SPSB1: variants seen among roughly 807,000 people sequenced by gnomAD.
SPSB1 encodes SPRY domain-containing SOCS box protein 1.
Under a neutral mutation model 21.2 loss-of-function variants are expected in SPSB1, and 8 were observed. The ratio of observed to expected loss-of-function variants is 0.38; its 90% CI spans 0.22 to 0.68. The LOEUF is 0.68. Among genes scored for constraint, SPSB1 ranks in the 30% least tolerant of loss-of-function variants. The pLI is 0.53. For missense variants in SPSB1, 242 were observed against 377.8 expected, an observed-to-expected ratio of 0.64 and a Z score of 2.98; for synonymous variants, 169 against 161.7, an observed-to-expected ratio of 1.05 and a Z score of -0.34.
At chr1:9,343,337 G>A (rs1021254771) in intron 1 of SPSB1, among the ~76,000 whole-genome samples, 3 of 151,168 alleles carry the variant, frequency 2.0e-5, no homozygotes, top group Non-Finnish European at 2.9e-5. Context: ...TGGTCATTTC[G>A]TCGAAAGGGA....
chr1:9,320,104 G>A (rs1260753211), intron 1 of SPSB1, among the ~76,000 whole-genome samples: 7 of 152,170 alleles, frequency 4.6e-5, no homozygotes. Context: ...GGGACCCCAG[G>A]TGTCCAGGCG....
chr1:9,329,707 A>C (rs1176680183), intron 1 of SPSB1, among the ~76,000 whole-genome samples: 23 of 127,844 alleles, frequency 1.8e-4, no homozygotes, highest in East Asian at 5.8e-4. Context: ...ACAACAACAA[A>C]AAAAAAAAAA....
At chr1:9,312,437 A>C (rs1639535643) in intron 1 of SPSB1, among the ~76,000 whole-genome samples, 1 of 152,162 alleles carries the variant, frequency 6.6e-6, no homozygotes, top group African/African-American at 2.4e-5. Context: ...GGTATTATGC[A>C]CACGCCACGC....
chr1:9,344,521 A>G (rs906463562), intron 1 of SPSB1, among the ~76,000 whole-genome samples: 1 of 152,176 alleles, frequency 6.6e-6, no homozygotes, highest in African/African-American at 2.4e-5. Flanking sequence ...TGCACTTGGC[A>G]TTCACGATTC....
rs537404104 is a variant in SPSB1 at position 9,311,405 on chromosome 1, T to G, written c.-150+18334T>G. Among the ~76,000 whole-genome samples, 3 of 152,262 alleles carry G rather than the reference T, an allele frequency of 2.0e-5. No individual in the cohort carries two copies. The South Asian group carries it at 6.2e-4, about 32-fold the overall frequency. On this transcript the variant is annotated intron_variant, in intron 1 of 2. Transcript: ENST00000328089. Reference sequence around the variant, plus strand: ...ATGGAGATTTTTATAATGGAAAATTTCAAACACAGGGCAGAGTAGAGAGAC... The same window carrying G: ...ATGGAGATTTTTATAATGGAAAATTGCAAACACAGGGCAGAGTAGAGAGAC...
chr1:9,317,599 A>C lies in SPSB1; in HGVS notation c.-150+24528A>C, dbSNP rs1476813999. ...ATCCTCACACCTCAGCCTCTTGAGT[A>C]GCTGGGACCTCAGGTATGCACTACC... On this transcript the variant is annotated intron_variant, in intron 1 of 2. Transcript: ENST00000328089. This position sits in a 1 kb window ranked among gnomAD's most constrained non-coding sequence, Gnocchi z 4.3. Among the ~76,000 whole-genome samples the C allele has an allele frequency of 2.0e-5, 3 of 152,130 alleles. No homozygotes were observed. The highest frequency in any genetic ancestry group is 7.2e-5 in the African/African-American group (3 of 41,408).
intron 1 of SPSB1, among the ~76,000 whole-genome samples, chr1:9,347,249 C>A (rs977068816): frequency 2.0e-5 from 3 of 152,218 alleles, no homozygotes; most frequent in Non-Finnish European, 4.4e-5. Flanking sequence ...ATAGTGCTTA[C>A]ACATTACGCT....
chr1:9,320,089 C>T (rs935288262), intron 1 of SPSB1, among the ~76,000 whole-genome samples: 8 of 152,162 alleles, frequency 5.3e-5, no homozygotes, highest in Non-Finnish European at 7.4e-5. Flanking sequence ...CAGGGCAGGC[C>T]GCCAGGGACC....
At chr1:9,333,458 G>C (rs181607713) in intron 1 of SPSB1, among the ~76,000 whole-genome samples, 2 of 151,820 alleles carry the variant, frequency 1.3e-5, no homozygotes, top group Admixed American at 1.3e-4. Context: ...AGCTTCCCAA[G>C]TAGGTGGGAC....
intron 1 of SPSB1, among the ~76,000 whole-genome samples, chr1:9,312,935 C>T (rs1237212761): frequency 6.6e-6 from 1 of 152,192 alleles, no homozygotes; most frequent in African/African-American, 2.4e-5. Flanking sequence ...TGCAGACACA[C>T]CTTTTCCTTC....
chr1:9,342,628 C>T (rs925834154), intron 1 of SPSB1, among the ~76,000 whole-genome samples: 3 of 152,220 alleles, frequency 2.0e-5, no homozygotes, highest in Non-Finnish European at 2.9e-5. Flanking sequence ...TCTCCCATGT[C>T]CTCATCCCCC....
rs1397602446 is a variant in SPSB1 at position 9,363,233 on chromosome 1, G to A, written c.695-4215G>A. On this transcript the variant is annotated intron_variant, in intron 2 of 2. Transcript: ENST00000328089. The surrounding 1 kb of genome is among the most constrained non-coding windows in gnomAD (Gnocchi z 4.5). ...TTTCCTCCTGCAAGATCAAGGAGGC[G>A]TGACCTGTTTATGTACTTGAGGACC... Among the ~76,000 whole-genome samples, 1 of 152,214 alleles carries A rather than the reference G, an allele frequency of 6.6e-6. No homozygotes were observed. Among genetic ancestry groups the A allele is most frequent in the African/African-American group, 2.4e-5 (1 of 41,464 alleles).
intron 1 of SPSB1, among the ~76,000 whole-genome samples, chr1:9,341,852 A>C (rs1394266856): frequency 6.6e-6 from 1 of 152,124 alleles, no homozygotes; most frequent in Non-Finnish European, 1.5e-5. Flanking sequence ...ACAGGCATGC[A>C]CCACCACGCC....
chr1:9,299,464 C>A lies in SPSB1; in HGVS notation c.-150+6393C>A, dbSNP rs116605840. Reference sequence around the variant, plus strand: ...GACCAGCCTGGGCAACACAGTGAGACGTCATCTCTCTCTCTCTCTCTCTCT... The same window carrying A: ...GACCAGCCTGGGCAACACAGTGAGAAGTCATCTCTCTCTCTCTCTCTCTCT... On this transcript the variant is annotated intron_variant, in intron 1 of 2. Coordinates refer to ENST00000328089, the MANE Select transcript of SPSB1 (RefSeq NM_025106.4). 2.3e-3 allele frequency among the ~76,000 whole-genome samples: 347 copies of A among 148,240 alleles called. 1 individual carries two copies. Among genetic ancestry groups the A allele is most frequent in the African/African-American group, 7.9e-3 (324 of 40,808 alleles).
At chr1:9,312,446 G>A (rs975740378) in intron 1 of SPSB1, among the ~76,000 whole-genome samples, 5 of 152,272 alleles carry the variant, frequency 3.3e-5, no homozygotes, top group Admixed American at 1.3e-4. Flanking sequence ...CACACGCCAC[G>A]CAGTTCGCCT....
chr1:9,346,913 GTA>G lies in SPSB1; in HGVS notation c.-149-8829_-149-8828del, dbSNP rs1219352457. 6.6e-6 allele frequency among the ~76,000 whole-genome samples: 1 copy of G among 152,228 alleles called. No individual in the cohort carries two copies. The highest frequency in any genetic ancestry group is 1.5e-5 in the Non-Finnish European group (1 of 68,036). ...ATTTTTACGGGGCTAATTAAAATCT[GTA>G]ATTTTGAAACAGTATAATCGGAAGT... On this transcript the variant is annotated intron_variant, in intron 1 of 2. Coordinates refer to ENST00000328089, the MANE Select transcript of SPSB1 (RefSeq NM_025106.4). The surrounding 1 kb of genome is among the most constrained non-coding windows in gnomAD (Gnocchi z 4.4).
In SPSB1 at chr1:9,293,324, C is replaced by A. The variant is rs1639151711; in HGVS notation, c.-150+253C>A. On this transcript the variant is annotated intron_variant, in intron 1 of 2. Coordinates refer to ENST00000328089, the MANE Select transcript of SPSB1 (RefSeq NM_025106.4). The surrounding 1 kb of genome is among the most constrained non-coding windows in gnomAD (Gnocchi z 5.1). ...AGGGGCCCAGGCCCGCCCCGCGCTGCCGCCGCTGCAGGGCAGGGGGTCCCG... is the reference window on the plus strand; with the variant it reads ...AGGGGCCCAGGCCCGCCCCGCGCTGACGCCGCTGCAGGGCAGGGGGTCCCG... 6.7e-6 allele frequency among the ~76,000 whole-genome samples: 1 copy of A among 148,994 alleles called. No individual in the cohort carries two copies. Among genetic ancestry groups the A allele is most frequent in the Non-Finnish European group, 1.5e-5 (1 of 66,876 alleles).
rs56835371 is a variant in SPSB1 at position 9,319,903 on chromosome 1, A to G, written c.-150+26832A>G. Among the ~76,000 whole-genome samples the G allele has an allele frequency of 3.0e-4, 45 of 152,116 alleles. No individual in the cohort carries two copies. The East Asian group carries it at 7.8e-3, about 26-fold the overall frequency. ...CAGGTGGGAAGCAGCCTCCCCGCCT[A>G]TCTAGCCCCAGACCTCCTGGGAGGA... On this transcript the variant is annotated intron_variant, in intron 1 of 2. Transcript: ENST00000328089.
rs1569571847 is a variant in SPSB1, at chr1:9,305,960, C to T, written c.-150+12889C>T. Among the ~76,000 whole-genome samples, 1 of 152,086 alleles carries T rather than the reference C, an allele frequency of 6.6e-6. No individual in the cohort carries two copies. The highest frequency in any genetic ancestry group is 6.6e-5 in the Admixed American group (1 of 15,258). On this transcript the variant is annotated intron_variant, in intron 1 of 2. Coordinates refer to ENST00000328089, the MANE Select transcript of SPSB1 (RefSeq NM_025106.4). The surrounding 1 kb of genome is among the most constrained non-coding windows in gnomAD (Gnocchi z 4.8). The stretch of plus-strand genomic sequence containing the variant: ...AAATGAGTGCAGAGAGGCAGGAGGG[C>T]CCACAGACCTGGGGACATTTGTGCA...
Sources: gnomAD v4.1 joint callset for allele counts (sites outside exome capture counted in the v4.1 genomes callset) on GRCh38, gnomAD v4.1.1 for gene constraint, Gnocchi (gnomAD v3.1) non-coding constraint, MANE v1.5 for transcripts, NCBI Gene and HGNC (gene_info 2026-07-23, HGNC 2026-07-21) for gene names.